The following RERE variants were observed in gnomAD, a reference collection of about 807,000 sequenced individuals.
RERE encodes the protein arginine-glutamic acid dipeptide repeats protein.
In RERE, 40 loss-of-function variants were observed where a neutral mutation model predicts 146.1. That is an observed-to-expected ratio of 0.27 (90% CI 0.21 to 0.36). The LOEUF (loss-of-function observed/expected upper bound fraction) is 0.36. Among genes scored for constraint, RERE ranks in the 10% least tolerant of loss-of-function variants. RERE has a pLI of 1.00. For synonymous variants in RERE, 1,003 were observed against 866.0 expected (o/e 1.16, Z -2.78); for missense variants, 1,933 against 2,138.7 (o/e 0.90, Z 1.90).
chr1:8,659,989 T>A (rs1474165089), intron 1 of RERE, among the ~76,000 whole-genome samples: 1 of 152,078 alleles, frequency 6.6e-6, no homozygotes, highest in African/African-American at 2.4e-5. Flanking sequence ...ATTTATAAAA[T>A]CAATGTTCTG....
At chr1:8,556,417 C>T in intron 6 of RERE, 58 bp downstream of exon 6, 1 of 986,100 alleles carries the variant, frequency 1.0e-6, no homozygotes, top group East Asian at 2.4e-5. Context: ...AATTACTCTC[C>T]ACCTCCTGCA....
At chr1:8,520,906 A>AG (rs1281437044) in intron 7 of RERE, among the ~76,000 whole-genome samples, 9 of 152,022 alleles carry the variant, frequency 5.9e-5, no homozygotes, top group Non-Finnish European at 8.8e-5. Flanking sequence ...AAGCACCCCC[A>AG]GAAAAAAAAA....
chr1:8,544,059 A>T (rs1049446993), intron 6 of RERE, among the ~76,000 whole-genome samples: 3 of 152,206 alleles, frequency 2.0e-5, no homozygotes, highest in African/African-American at 7.2e-5. Flanking sequence ...TGTTCCTATT[A>T]AATATGACAC....
intron 1 of RERE, among the ~76,000 whole-genome samples, chr1:8,759,492 A>C (rs1422805500): frequency 6.6e-6 from 1 of 152,264 alleles, no homozygotes; most frequent in Non-Finnish European, 1.5e-5. Context: ...CAGTTACTTT[A>C]GAAAAGGGTT....
intron 10 of RERE, among the ~76,000 whole-genome samples, chr1:8,477,359 C>G (rs1007545853): frequency 2.0e-5 from 3 of 152,206 alleles, no homozygotes; most frequent in African/African-American, 7.2e-5. Context: ...ATTCGTGAAC[C>G]TAGACTGTTT....
intron 4 of RERE, among the ~76,000 whole-genome samples, chr1:8,602,202 A>T (rs1305989132): frequency 1.3e-5 from 2 of 152,154 alleles, no homozygotes; most frequent in Admixed American, 6.5e-5. Context: ...CATCCTGGCC[A>T]ACATGGTGAA....
intron 11 of RERE, among the ~76,000 whole-genome samples, chr1:8,459,861 T>C (rs1211860385): frequency 6.6e-6 from 1 of 152,204 alleles, no homozygotes; most frequent in Non-Finnish European, 1.5e-5. Context: ...GACTCTCCTA[T>C]CATCATTTTT....
intron 12 of RERE, among the ~76,000 whole-genome samples, chr1:8,394,002 G>A (rs530239155): frequency 2.5e-4 from 38 of 152,242 alleles, no homozygotes; most frequent in African/African-American, 8.9e-4. Context: ...TTAAAACACT[G>A]CAAAATCCTA....
At chr1:8,703,112 CA>C (rs1639489368) in intron 1 of RERE, 2 of 152,274 alleles carry the variant, frequency 1.3e-5, no homozygotes, top group African/African-American at 4.8e-5. Flanking sequence ...TCCTCCGGCG[CA>C]GGGCCCCGCC....
chr1:8,783,525 G>A (rs930683331), intron 1 of RERE, among the ~76,000 whole-genome samples: 2 of 152,062 alleles, frequency 1.3e-5, no homozygotes, highest in African/African-American at 4.8e-5. Flanking sequence ...GTCCACAAAG[G>A]AGTCTTCTGT....
chr1:8,605,745 CAAAA>C (rs564574812), intron 4 of RERE, among the ~76,000 whole-genome samples: 10 of 64,516 alleles, frequency 1.5e-4, no homozygotes, highest in East Asian at 9.7e-4. Flanking sequence ...ACCCCATCTC[CAAAA>C]AAAAAAAAAA....
intron 4 of RERE, among the ~76,000 whole-genome samples, chr1:8,561,668 C>T (rs1283918289): frequency 6.6e-6 from 1 of 152,222 alleles, no homozygotes; most frequent in Admixed American, 6.5e-5. Context: ...ATGGCACTGG[C>T]TAACGGTGCC....
At chr1:8,573,910 C>T (rs576513254) in intron 4 of RERE, among the ~76,000 whole-genome samples, 1 of 151,958 alleles carries the variant, frequency 6.6e-6, no homozygotes, top group African/African-American at 2.4e-5. Context: ...GGCTCAAGCT[C>T]TCCTCCTACC....
At chr1:8,609,920 C>T (rs1232689993) in intron 4 of RERE, among the ~76,000 whole-genome samples, 1 of 152,066 alleles carries the variant, frequency 6.6e-6, no homozygotes, top group Non-Finnish European at 1.5e-5. Context: ...AGACACATGC[C>T]ACCACACCCA....
At chr1:8,402,627 G>A (rs192526579) in intron 12 of RERE, among the ~76,000 whole-genome samples, 127 of 152,282 alleles carry the variant, frequency 8.3e-4, no homozygotes, top group Middle Eastern at 6.8e-3. Flanking sequence ...GCTGGGTTCA[G>A]TTCGGTAATA....
intron 1 of RERE, among the ~76,000 whole-genome samples, chr1:8,783,099 C>T (rs894662561): frequency 4.6e-5 from 7 of 152,166 alleles, no homozygotes; most frequent in South Asian, 2.1e-4. Context: ...TTGGGGAGGG[C>T]GAGACAAGAG....
At chr1:8,444,483 T>C (rs1442667424) in intron 11 of RERE, among the ~76,000 whole-genome samples, 1 of 152,150 alleles carries the variant, frequency 6.6e-6, no homozygotes, top group Non-Finnish European at 1.5e-5. Context: ...AGGTAAGACT[T>C]TGGGGGACTA....
At chr1:8,513,110 C>A (rs1230960516) in intron 7 of RERE, 1 of 152,200 alleles carries the variant, frequency 6.6e-6, no homozygotes, top group Non-Finnish European at 1.5e-5. Flanking sequence ...AGCCACTACC[C>A]TGGACCCCTC....
At chr1:8,521,160 T>A (rs1645492550) in intron 7 of RERE, among the ~76,000 whole-genome samples, 3 of 108,570 alleles carry the variant, frequency 2.8e-5, no homozygotes, top group African/African-American at 3.8e-5. Context: ...ATTATGGAAG[T>A]AGAGCTTCTT....
Sources: allele counts gnomAD v4.1 joint callset (sites outside exome capture counted in the v4.1 genomes callset), GRCh38; gene constraint gnomAD v4.1.1; transcripts MANE v1.5; gene names NCBI Gene and HGNC (gene_info 2026-07-23, HGNC 2026-07-21).